Variants in CADPS observed in about 807,000 individuals in gnomAD.
CADPS encodes the protein calcium dependent secretion activator.
A neutral mutation model predicts 167.3 loss-of-function variants in CADPS; 57 were observed. The observed-to-expected ratio is 0.34, with a 90% CI of 0.28 to 0.42. The LOEUF is 0.42. CADPS is among the 20% of genes least tolerant of loss of function. The pLI, the probability that CADPS is intolerant of heterozygous loss-of-function variation, is 1.00. For missense variants in CADPS, 1,414 were observed against 1,738.1 expected (o/e 0.81, Z 3.32); for synonymous variants, 676 against 635.3 (o/e 1.06, Z -0.96).
intron 10 of CADPS, among the ~76,000 whole-genome samples, chr3:62,551,532 G>A (rs745640918): frequency 6.6e-6 from 1 of 152,164 alleles, no homozygotes; most frequent in Non-Finnish European, 1.5e-5. Flanking sequence ...TAGCACTAGA[G>A]TCAGGTCCTG....
At chr3:62,611,357 C>G (rs768821286) in intron 6 of CADPS, among the ~76,000 whole-genome samples, 3 of 152,186 alleles carry the variant, frequency 2.0e-5, no homozygotes, top group Non-Finnish European at 2.9e-5. Context: ...GACCACTTCC[C>G]ACCACTTACA....
intron 1 of CADPS, among the ~76,000 whole-genome samples, chr3:62,819,409 T>C (rs921360915): frequency 3.3e-5 from 2 of 61,266 alleles, no homozygotes; most frequent in African/African-American, 5.5e-5. Flanking sequence ...TCTGTGTGCG[T>C]GTGTGTGTGT....
chr3:62,564,709 C>T (rs781762232), intron 9 of CADPS, among the ~76,000 whole-genome samples: 30 of 151,008 alleles, frequency 2.0e-4, no homozygotes, highest in South Asian at 6.3e-4. Context: ...TAGGTTTAAG[C>T]GATTCTCCTG....
At chr3:62,840,345 T>A (rs935121922) in intron 1 of CADPS, among the ~76,000 whole-genome samples, 3 of 152,174 alleles carry the variant, frequency 2.0e-5, no homozygotes, top group Admixed American at 6.5e-5. Flanking sequence ...GGCATTAAAT[T>A]CAAAGAGATG....
At chr3:62,524,427 G>A (rs1347593688) in intron 13 of CADPS, among the ~76,000 whole-genome samples, 5 of 152,158 alleles carry the variant, frequency 3.3e-5, no homozygotes, top group South Asian at 2.1e-4. Context: ...GCTCAGACAC[G>A]CTGCTAAAAC....
At chr3:62,759,487 T>C (rs1274966944) in intron 2 of CADPS, among the ~76,000 whole-genome samples, 5 of 152,088 alleles carry the variant, frequency 3.3e-5, no homozygotes, top group African/African-American at 4.8e-5. Flanking sequence ...GATTGGAGGA[T>C]AGGAACATGG....
At chr3:62,737,452 A>G (rs1481660904) in intron 3 of CADPS, among the ~76,000 whole-genome samples, 1 of 151,270 alleles carries the variant, frequency 6.6e-6, no homozygotes, top group African/African-American at 2.4e-5. Context: ...TGGGCAACAG[A>G]GTGAGACCCT....
At chr3:62,708,326 C>T (rs527636058) in intron 3 of CADPS, among the ~76,000 whole-genome samples, 11 of 151,938 alleles carry the variant, frequency 7.2e-5, no homozygotes, top group South Asian at 2.1e-4. Flanking sequence ...ACAGTATGCA[C>T]GTGTATATAG....
chr3:62,640,199 T>G (rs2067144019), intron 6 of CADPS, among the ~76,000 whole-genome samples: 1 of 152,138 alleles, frequency 6.6e-6, no homozygotes, highest in African/African-American at 2.4e-5. Context: ...AAGAAGCCAT[T>G]CAGGAAAGAT....
chr3:62,486,919 G>A (rs561148896), intron 21 of CADPS, among the ~76,000 whole-genome samples: 1 of 152,314 alleles, frequency 6.6e-6, no homozygotes. Context: ...ATATTTCTAG[G>A]CAAAGGGTAG....
chr3:62,612,651 C>G (rs1383831088), intron 6 of CADPS, among the ~76,000 whole-genome samples: 3 of 152,198 alleles, frequency 2.0e-5, no homozygotes, highest in Non-Finnish European at 2.9e-5. Context: ...AACCAAATGA[C>G]TTCTACTCTG....
chr3:62,552,338 C>G (rs2077447767), intron 10 of CADPS, among the ~76,000 whole-genome samples: 1 of 152,000 alleles, frequency 6.6e-6, no homozygotes, highest in African/African-American at 2.4e-5. Context: ...TGTAACAAAC[C>G]TGCACGTTGT....
At chr3:62,670,692 A>C (rs1281921278) in intron 3 of CADPS, among the ~76,000 whole-genome samples, 2 of 151,966 alleles carry the variant, frequency 1.3e-5, no homozygotes, top group Non-Finnish European at 2.9e-5. Flanking sequence ...TTAAAAAAAA[A>C]CCCAAACAGA....
intron 1 of CADPS, among the ~76,000 whole-genome samples, chr3:62,837,000 G>A (rs1354536797): frequency 1.3e-5 from 2 of 152,058 alleles, no homozygotes; most frequent in African/African-American, 2.4e-5. Context: ...ATTTTTGTAG[G>A]TAACTCTTCC....
At chr3:62,443,187 G>A (rs1024542870) in intron 27 of CADPS, among the ~76,000 whole-genome samples, 1 of 152,172 alleles carries the variant, frequency 6.6e-6, no homozygotes, top group Non-Finnish European at 1.5e-5. Flanking sequence ...TTAAATCTCA[G>A]CTCTTCTACT....
chr3:62,410,095 TGTAA>T (rs1266209218), intron 28 of CADPS, among the ~76,000 whole-genome samples: 4 of 152,236 alleles, frequency 2.6e-5, no homozygotes, highest in East Asian at 1.9e-4. Context: ...ACCCCATGCC[TGTAA>T]GTGAGGGAAA....
intron 6 of CADPS, among the ~76,000 whole-genome samples, chr3:62,613,211 A>G (rs942601727): frequency 1.3e-5 from 2 of 152,178 alleles, no homozygotes; most frequent in Non-Finnish European, 2.9e-5. Context: ...ACTCAACAGA[A>G]GGAAGCGATC....
At chr3:62,491,177 A>T (rs1344275982) in intron 21 of CADPS, among the ~76,000 whole-genome samples, 162 bp downstream of exon 21, 1 of 152,028 alleles carries the variant, frequency 6.6e-6, no homozygotes, top group Admixed American at 6.6e-5. Flanking sequence ...CCCTCCTGCC[A>T]TTTGGGCAAA....
intron 6 of CADPS, among the ~76,000 whole-genome samples, chr3:62,600,926 C>G (rs1157648331): frequency 6.6e-6 from 1 of 152,066 alleles, no homozygotes; most frequent in Non-Finnish European, 1.5e-5. Flanking sequence ...TGAGGCCAGC[C>G]TGGGCAACAT....
Sources: gnomAD v4.1 joint callset for allele counts (sites outside exome capture counted in the v4.1 genomes callset) on GRCh38, gnomAD v4.1.1 for gene constraint, MANE v1.5 for transcripts, NCBI Gene and HGNC (gene_info 2026-07-23, HGNC 2026-07-21) for gene names.